NAV3: variants seen among roughly 807,000 people sequenced by gnomAD.
NAV3 encodes neuron navigator 3, also known as pore membrane and/or filament interacting like protein 1.
Under a neutral mutation model 244.7 loss-of-function variants are expected in NAV3, and 87 were observed. That is an observed-to-expected ratio of 0.36 (90% CI 0.30 to 0.42). NAV3 has a LOEUF of 0.42. NAV3 is among the 20% of genes least tolerant of loss of function. NAV3 has a pLI of 1.00. For synonymous variants in NAV3, 1,126 were observed against 1,042.2 expected (o/e 1.08, Z -1.55); for missense variants, 2,663 against 2,893.3 (o/e 0.92, Z 1.83).
At chr12:77,586,697 G>A (rs554744687) in intron 2 of NAV3, among the ~76,000 whole-genome samples, 3 of 152,228 alleles carry the variant, frequency 2.0e-5, no homozygotes, top group South Asian at 2.1e-4. Flanking sequence ...GTATCCACTC[G>A]TCACGTGTGG....
intron 5 of NAV3, among the ~76,000 whole-genome samples, chr12:77,981,597 T>C (rs1180888984): frequency 3.9e-5 from 6 of 152,052 alleles, no homozygotes; most frequent in Non-Finnish European, 5.9e-5. Flanking sequence ...TTAATTATAG[T>C]ATATCTTGGG....
At chr12:77,757,136 A>G (rs1032968445) in intron 2 of NAV3, among the ~76,000 whole-genome samples, 3 of 152,212 alleles carry the variant, frequency 2.0e-5, no homozygotes, top group Non-Finnish European at 2.9e-5. Context: ...TTGAGGAATA[A>G]TCCTTAACTG....
intron 31 of NAV3, among the ~76,000 whole-genome samples, chr12:78,186,976 C>T (rs1481780476): frequency 1.3e-5 from 2 of 151,854 alleles, no homozygotes; most frequent in South Asian, 4.1e-4. Flanking sequence ...GTAATCCCAT[C>T]ATGAAAGTCC....
At chr12:77,662,039 A>G (rs1873475399) in intron 2 of NAV3, among the ~76,000 whole-genome samples, 1 of 151,968 alleles carries the variant, frequency 6.6e-6, no homozygotes, top group African/African-American at 2.4e-5. Context: ...GGTTTTTGTC[A>G]TTCCATATAA....
At chr12:78,123,970 A>T (rs927369045) in intron 16 of NAV3, among the ~76,000 whole-genome samples, 1 of 152,166 alleles carries the variant, frequency 6.6e-6, no homozygotes, top group East Asian at 1.9e-4. Context: ...TAGATAAACA[A>T]CCTATAGTTT....
intron 12 of NAV3, among the ~76,000 whole-genome samples, chr12:78,086,574 C>A (rs574314116): frequency 6.6e-6 from 1 of 152,074 alleles, no homozygotes; most frequent in South Asian, 2.1e-4. Flanking sequence ...AATGTGGATA[C>A]TATTTACCTG....
intron 23 of NAV3, among the ~76,000 whole-genome samples, chr12:78,167,648 A>T (rs1261593950): frequency 1.3e-5 from 2 of 151,600 alleles, no homozygotes; most frequent in Non-Finnish European, 3.0e-5. Context: ...AGTAAAGAGA[A>T]ATTATTTACC....
chr12:77,743,065 CA>C (rs1419637916), intron 2 of NAV3, among the ~76,000 whole-genome samples: 27 of 151,910 alleles, frequency 1.8e-4, no homozygotes, highest in Admixed American at 1.8e-3. Context: ...GAGATTTTTG[CA>C]GTTCGGGTTG....
At chr12:77,797,495 C>G (rs1871471102) in intron 2 of NAV3, among the ~76,000 whole-genome samples, 1 of 147,332 alleles carries the variant, frequency 6.8e-6, no homozygotes. Flanking sequence ...TCTTCTTTAC[C>G]TAAGTCTTAA....
At chr12:78,138,593 T>C (rs762777268) in intron 19 of NAV3, among the ~76,000 whole-genome samples, 2 of 152,270 alleles carry the variant, frequency 1.3e-5, no homozygotes, top group South Asian at 2.1e-4. Flanking sequence ...TCCATGTAGA[T>C]AGACAAAATA....
intron 1 of NAV3, among the ~76,000 whole-genome samples, chr12:77,921,093 GTA>G (rs534207953): frequency 1.1e-4 from 16 of 152,070 alleles, no homozygotes; most frequent in Non-Finnish European, 1.9e-4. Context: ...AAGTCTAGTG[GTA>G]TGTGAAATAT....
intron 2 of NAV3, among the ~76,000 whole-genome samples, chr12:77,746,322 G>A (rs151020433): frequency 6.2e-4 from 95 of 152,172 alleles, no homozygotes; most frequent in Non-Finnish European, 1.2e-3. Flanking sequence ...AAAACCACAA[G>A]TGGTTGCCTA....
chr12:78,050,623 A>G (rs1326333215), intron 10 of NAV3, 141 bp from the exon 11 acceptor site: 2 of 888,462 alleles, frequency 2.3e-6, no homozygotes, highest in Non-Finnish European at 3.4e-6. Context: ...TGACCTCAAA[A>G]TGAATATAGA....
At chr12:77,601,733 G>A (rs987957285) in intron 2 of NAV3, among the ~76,000 whole-genome samples, 2 of 151,946 alleles carry the variant, frequency 1.3e-5, no homozygotes, top group African/African-American at 4.8e-5. Flanking sequence ...TATACCTTAG[G>A]CTCCTGAAGA....
intron 2 of NAV3, among the ~76,000 whole-genome samples, chr12:77,747,008 G>T (rs1868581125): frequency 2.0e-5 from 3 of 152,090 alleles, no homozygotes; most frequent in South Asian, 4.1e-4. Context: ...AATGTTTTAG[G>T]CCTTGAAAAT....
At chr12:78,061,259 A>G (rs1440936275) in intron 12 of NAV3, among the ~76,000 whole-genome samples, 4 of 152,210 alleles carry the variant, frequency 2.6e-5, no homozygotes, top group African/African-American at 9.6e-5. Flanking sequence ...AGGCCTATAA[A>G]TACATGTAAC....
chr12:78,146,345 G>A (rs1565720072), intron 20 of NAV3, 24 bp from the exon 21 acceptor site: 2 of 1,038,628 alleles, frequency 1.9e-6, no homozygotes, highest in Admixed American at 5.2e-5. Flanking sequence ...TATAGTTAAA[G>A]TCTTTCTTTT....
In NAV3 at chr12:78,205,045, A is replaced by G; in HGVS notation, c.6945A>G (p.Arg2315=). 6.2e-7 allele frequency: 1 copy of G among 1,613,606 alleles called. No individual in the cohort carries two copies. The highest frequency in any genetic ancestry group is 8.5e-7 in the Non-Finnish European group (1 of 1,179,782). The change falls in exon 39 of 40, where the codon CGA becomes CGG. Residue 2315 remains arginine (R), a synonymous_variant. Coordinates refer to ENST00000397909, the MANE Select transcript of NAV3 (RefSeq NM_001024383.2). ...AGAGCCCAGCCTTACTTCAGCTGCG[A>G]CCAGAAGATGTTGGGTATGAAAGCT... ...PQESPALLQL[R]PEDVGYESCT...
intron 2 of NAV3, among the ~76,000 whole-genome samples, chr12:77,814,770 C>G (rs952529729): frequency 1.4e-4 from 21 of 152,144 alleles, no homozygotes; most frequent in African/African-American, 4.6e-4. Context: ...CAAGTTCAGA[C>G]TGTGTCTAAG....
Sources: gnomAD v4.1 joint callset for allele counts (sites outside exome capture counted in the v4.1 genomes callset) on GRCh38, gnomAD v4.1.1 for gene constraint, MANE v1.5 for transcripts, NCBI Gene and HGNC (gene_info 2026-07-23, HGNC 2026-07-21) for gene names.